Variants in PCYT1B observed in about 807,000 individuals in gnomAD.
The protein encoded by PCYT1B is choline-phosphate cytidylyltransferase B.
Under a neutral mutation model 26.4 loss-of-function variants are expected in PCYT1B, and 10 were observed. The ratio of observed to expected loss-of-function variants is 0.38; its 90% CI spans 0.23 to 0.64. The LOEUF (loss-of-function observed/expected upper bound fraction) is 0.64, where lower values mean the gene tolerates loss of function less well. PCYT1B is among the 30% of genes least tolerant of loss of function. PCYT1B has a pLI of 0.56. For synonymous variants in PCYT1B, 131 were observed against 108.4 expected (o/e 1.21, Z -1.29); for missense variants, 161 against 292.7 (o/e 0.55, Z 3.28).
intron 3 of PCYT1B, among the ~76,000 whole-genome samples, chrX:24,596,452 T>A (rs1367537399): frequency 2.7e-5 from 3 of 109,302 alleles, no homozygotes; most frequent in Non-Finnish European, 3.8e-5. Flanking sequence ...GTTAACCAGG[T>A]GTGGTGGTGC....
At chrX:24,600,158 C>A (rs981439518) in intron 3 of PCYT1B, among the ~76,000 whole-genome samples, 1 of 111,366 alleles carries the variant, frequency 9.0e-6, no homozygotes, top group Non-Finnish European at 1.9e-5. Flanking sequence ...CCACCCACCT[C>A]GGCCTCCCAA....
At chrX:24,669,575 T>C (rs192702447) in intron 1 of PCYT1B, among the ~76,000 whole-genome samples, 87 of 109,276 alleles carry the variant, frequency 8.0e-4, no homozygotes, top group African/African-American at 2.9e-3. Flanking sequence ...AATTAATTAA[T>C]TTTAAGTAAT....
intron 3 of PCYT1B, among the ~76,000 whole-genome samples, chrX:24,603,417 T>G (rs925337808): frequency 8.9e-6 from 1 of 112,439 alleles, no homozygotes; most frequent in Non-Finnish European, 1.9e-5. Context: ...AGTCCCTGCA[T>G]AATATTTAAA....
At chrX:24,634,976 A>G (rs6629899) in intron 1 of PCYT1B, among the ~76,000 whole-genome samples, 1 of 112,198 alleles carries the variant, frequency 8.9e-6, no homozygotes, top group East Asian at 2.8e-4. Context: ...CATTAGAAAT[A>G]TCTGCTACCA....
intron 1 of PCYT1B, among the ~76,000 whole-genome samples, chrX:24,670,455 T>G (rs981299263): frequency 5.4e-5 from 6 of 112,091 alleles, no homozygotes; most frequent in Non-Finnish European, 1.1e-4. Context: ...TCAGCTTGGG[T>G]GGGGGTATCA....
intron 7 of PCYT1B, among the ~76,000 whole-genome samples, chrX:24,565,904 G>C (rs1923613968): frequency 1.8e-5 from 2 of 110,544 alleles, no homozygotes; most frequent in African/African-American, 6.6e-5. Context: ...TCAAAAAGAA[G>C]AAGGTGAAAA....
intron 1 of PCYT1B, among the ~76,000 whole-genome samples, chrX:24,626,050 G>A (rs1184060646): frequency 9.2e-6 from 1 of 109,199 alleles, no homozygotes; most frequent in South Asian, 4.1e-4. Context: ...GGAGGCGGAG[G>A]TTGCAGTGAG....
chrX:24,632,902 A>T (rs1881046410), intron 1 of PCYT1B, among the ~76,000 whole-genome samples: 1 of 111,753 alleles, frequency 8.9e-6, no homozygotes, highest in Non-Finnish European at 1.9e-5. Context: ...ACAATGTATT[A>T]TATATTTCAA....
At chrX:24,604,334 A>C (rs1263096614) in intron 3 of PCYT1B, among the ~76,000 whole-genome samples, 1 of 110,467 alleles carries the variant, frequency 9.1e-6, no homozygotes, top group East Asian at 2.8e-4. Flanking sequence ...CAGATGATTC[A>C]CCCAACTCAG....
intron 7 of PCYT1B, among the ~76,000 whole-genome samples, chrX:24,567,300 G>A (rs371011916): frequency 2.4e-4 from 27 of 111,776 alleles, no homozygotes; most frequent in Non-Finnish European, 4.1e-4. Context: ...CAACGGTGTC[G>A]CACTTCATAA....
At chrX:24,606,785 T>G (rs1925151022) in intron 3 of PCYT1B, among the ~76,000 whole-genome samples, 1 of 112,109 alleles carries the variant, frequency 8.9e-6, no homozygotes, top group Admixed American at 9.5e-5. Flanking sequence ...GAGAATCACT[T>G]GAACCCAGGA....
chrX:24,639,882 T>C (rs1185255758), intron 1 of PCYT1B, among the ~76,000 whole-genome samples: 2 of 111,220 alleles, frequency 1.8e-5, no homozygotes, highest in East Asian at 5.6e-4. Flanking sequence ...CCTTCATCAG[T>C]TGTCCCCATC....
At chrX:24,607,641 C>T in intron 3 of PCYT1B, 104 bp downstream of exon 3, 1 of 470,740 alleles carries the variant, frequency 2.1e-6, no homozygotes, top group East Asian at 3.6e-5. Context: ...GAATTGGAAG[C>T]ATTAACAATG....
At chrX:24,636,442 G>A (rs1233388309) in intron 1 of PCYT1B, among the ~76,000 whole-genome samples, 2 of 111,578 alleles carry the variant, frequency 1.8e-5, no homozygotes, top group Non-Finnish European at 1.9e-5. Flanking sequence ...GTGAAACCTG[G>A]TCTCTACTAA....
At chrX:24,626,695 TGA>T (rs1925894124) in intron 1 of PCYT1B, among the ~76,000 whole-genome samples, 1 of 111,789 alleles carries the variant, frequency 8.9e-6, no homozygotes, top group Non-Finnish European at 1.9e-5. Context: ...AACTGTTAAA[TGA>T]TATGATTTGC....
chrX:24,619,349 C>T (rs1925626881), intron 1 of PCYT1B, among the ~76,000 whole-genome samples: 1 of 111,889 alleles, frequency 8.9e-6, no homozygotes, highest in Non-Finnish European at 1.9e-5. Context: ...AGATACTCTG[C>T]TGTTATCTCT....
intron 1 of PCYT1B, among the ~76,000 whole-genome samples, chrX:24,640,549 C>T (rs1341345700): frequency 2.7e-5 from 3 of 111,503 alleles, no homozygotes; most frequent in African/African-American, 9.8e-5. Context: ...TACAGCTCCT[C>T]TATTTTCCCC....
At chrX:24,589,223 C>T (rs762882456) in intron 4 of PCYT1B, among the ~76,000 whole-genome samples, 2 of 112,112 alleles carry the variant, frequency 1.8e-5, no homozygotes, top group Non-Finnish European at 3.8e-5. Context: ...GTCTCTTCAG[C>T]TATTACTCAT....
At chrX:24,567,070 T>A (rs887486500) in intron 7 of PCYT1B, among the ~76,000 whole-genome samples, 1 of 112,320 alleles carries the variant, frequency 8.9e-6, no homozygotes, top group African/African-American at 3.2e-5. Flanking sequence ...TTCTTGAACT[T>A]CTAGCAGGCA....
Sources: gnomAD v4.1 joint callset for allele counts (sites outside exome capture counted in the v4.1 genomes callset) on GRCh38, gnomAD v4.1.1 for gene constraint, MANE v1.5 for transcripts, NCBI Gene and HGNC (gene_info 2026-07-23, HGNC 2026-07-21) for gene names.